Variants in EFCAB8 observed in about 807,000 individuals in gnomAD.
The protein encoded by EFCAB8 is EF-hand calcium-binding domain-containing protein 8.
In EFCAB8, 100 loss-of-function variants were observed where a neutral mutation model predicts 116.3. The ratio of observed to expected loss-of-function variants is 0.86; its 90% CI spans 0.73 to 1.02. The LOEUF (loss-of-function observed/expected upper bound fraction) is 1.02. EFCAB8 is among the 50% of genes least tolerant of loss of function. The pLI, the probability that EFCAB8 is intolerant of heterozygous loss-of-function variation, is 0.00. For missense variants in EFCAB8, 1,320 were observed against 1,416.9 expected (o/e 0.93, Z 1.10); for synonymous variants, 558 against 567.9 (o/e 0.98, Z 0.25).
At chr20:32,930,966 G>A (rs889406776) in intron 21 of EFCAB8, among the ~76,000 whole-genome samples, 1 of 152,124 alleles carries the variant, frequency 6.6e-6, no homozygotes, top group Non-Finnish European at 1.5e-5. Context: ...TCCTTGAGCC[G>A]GTCACACCCT....
At chr20:32,860,437 A>G (rs1984046618) in intron 1 of EFCAB8, among the ~76,000 whole-genome samples, 1 of 146,150 alleles carries the variant, frequency 6.8e-6, no homozygotes, top group Non-Finnish European at 1.5e-5. Flanking sequence ...CCCTGCATGT[A>G]TCGGATCAGG....
intron 23 of EFCAB8, among the ~76,000 whole-genome samples, chr20:32,957,905 A>T (rs1355710705): frequency 1.3e-5 from 2 of 150,004 alleles, no homozygotes; most frequent in Non-Finnish European, 3.0e-5. Flanking sequence ...TTCTTAAATG[A>T]TTTTTTACCT....
In EFCAB8 at chr20:32,890,037, C is replaced by T. The variant is rs116568949; in HGVS notation, c.673+631C>T. ...AAAAAAAAGCCTCTCCTGCATGCCG[C>T]GCTTCCCTGATGCCCCCAAAGGCAG... On this transcript the variant is annotated intron_variant, in intron 7 of 26. Coordinates refer to ENST00000400522, the MANE Select transcript of EFCAB8 (RefSeq NM_001143967.2). Among the ~76,000 whole-genome samples the T allele has an allele frequency of 2.4e-3, 366 of 151,530 alleles. 2 individuals carry two copies. The highest frequency in any genetic ancestry group is 8.4e-3 in the African/African-American group (346 of 41,312).
At chr20:32,860,325 C>A (rs531236278) in intron 1 of EFCAB8, among the ~76,000 whole-genome samples, 11 of 151,888 alleles carry the variant, frequency 7.2e-5, no homozygotes, top group Admixed American at 7.2e-4. Context: ...AAAAAAAACC[C>A]AGTTATTTTG....
chr20:32,912,826 C>A lies in EFCAB8; in HGVS notation c.1818C>A (p.Phe606Leu), dbSNP rs1044414049. 1.4e-6 allele frequency: 1 copy of A among 718,894 alleles called. No individual in the cohort carries two copies. Among genetic ancestry groups the A allele is most frequent in the African/African-American group, 1.7e-5 (1 of 57,240 alleles). 44.5% of individuals were successfully genotyped at this position (718,894 alleles called of 1,614,324 possible). The change falls in exon 17 of 27, where the codon TTC (phenylalanine) becomes TTA (leucine). Residue 606 changes from phenylalanine to leucine, a missense_variant. Transcript: ENST00000400522. ...ISGIIHMNKV[F>L]YVTGWSKRIT... ...GGATTATCCATATGAACAAAGTGTT[C>A]TATGTGACAGGATGGAGTAAGAGAA...
At chr20:32,947,494 A>G (rs1250818410) in intron 23 of EFCAB8, among the ~76,000 whole-genome samples, 1 of 152,218 alleles carries the variant, frequency 6.6e-6, no homozygotes, top group Non-Finnish European at 1.5e-5. Context: ...ATGCCATACA[A>G]AGTATGTTCT....
chr20:32,874,831 C>G (rs1003225673), intron 3 of EFCAB8, among the ~76,000 whole-genome samples: 3 of 152,176 alleles, frequency 2.0e-5, no homozygotes, highest in African/African-American at 7.2e-5. Context: ...ACTGCAACCT[C>G]TGCCTCCTGG....
chr20:32,923,307 G>A (rs1457872927), intron 20 of EFCAB8, among the ~76,000 whole-genome samples: 2 of 152,168 alleles, frequency 1.3e-5, no homozygotes, highest in Non-Finnish European at 2.9e-5. Flanking sequence ...GCAACACGGT[G>A]AAACCCCGTC....
Position 32,906,887 on chromosome 20 carries a change from G to C in EFCAB8, c.1201G>C (p.Val401Leu), listed in dbSNP as rs1183194410. The change falls in exon 13 of 27, where the codon GTC (valine) becomes CTC (leucine). Residue 401 changes from valine to leucine, a missense_variant. Coordinates refer to ENST00000400522, the MANE Select transcript of EFCAB8 (RefSeq NM_001143967.2). ...DAFIRLWNPF[V>L]SKRPVWLMKG... ...CTTCATCCGCCTGTGGAACCCCTTT[G>C]TCTCAAAGAGGCCCGTGTGGCTGAT... The C allele has an allele frequency of 6.4e-7, 1 of 1,550,528 alleles. No homozygotes were observed. The highest frequency in any genetic ancestry group is 1.4e-5 in the African/African-American group (1 of 73,028).
chr20:32,888,011 A>G (rs1333292291), intron 6 of EFCAB8, among the ~76,000 whole-genome samples: 1 of 151,838 alleles, frequency 6.6e-6, no homozygotes, highest in Non-Finnish European at 1.5e-5. Context: ...GGCAAATGCT[A>G]TGACCAGTTT....
chr20:32,870,340 A>C (rs1461295048), intron 3 of EFCAB8, among the ~76,000 whole-genome samples: 1 of 152,152 alleles, frequency 6.6e-6, no homozygotes, highest in African/African-American at 2.4e-5. Flanking sequence ...AATAGGTAAT[A>C]TACCCACACA....
intron 22 of EFCAB8, among the ~76,000 whole-genome samples, chr20:32,939,143 C>CT (rs1354046305): frequency 2.3e-5 from 1 of 44,348 alleles, no homozygotes; most frequent in African/African-American, 1.2e-4. Context: ...TTCTTTCTTT[C>CT]TTTCTTTCTT....
intron 4 of EFCAB8, among the ~76,000 whole-genome samples, chr20:32,876,670 A>G (rs373327126): frequency 6.6e-5 from 10 of 152,250 alleles, no homozygotes; most frequent in African/African-American, 2.2e-4. Context: ...AGGTGCTATT[A>G]CTTACCTCTA....
At chr20:32,897,031 C>A (rs893380169) in intron 10 of EFCAB8, among the ~76,000 whole-genome samples, 1 of 152,186 alleles carries the variant, frequency 6.6e-6, no homozygotes, top group Admixed American at 6.5e-5. Flanking sequence ...GACGCAGGCT[C>A]CTCTGCTGTT....
intron 5 of EFCAB8, among the ~76,000 whole-genome samples, chr20:32,880,272 CTT>C (rs35227113): frequency 1.4e-5 from 2 of 145,690 alleles, no homozygotes; most frequent in Admixed American, 6.9e-5. Context: ...CCAAGGGTAA[CTT>C]TTTTTTTTTT....
intron 7 of EFCAB8, among the ~76,000 whole-genome samples, chr20:32,890,202 TC>T (rs35725555): frequency 6.6e-6 from 1 of 152,068 alleles, no homozygotes; most frequent in Non-Finnish European, 1.5e-5. Flanking sequence ...ACCTGTCCCC[TC>T]CCTGTGGTGC....
chr20:32,906,187 A>G (rs1417252514), intron 11 of EFCAB8, among the ~76,000 whole-genome samples: 3 of 152,154 alleles, frequency 2.0e-5, no homozygotes, highest in Non-Finnish European at 4.4e-5. Context: ...GGATGGGAAG[A>G]TGCCTGTCCC....
chr20:32,920,563 A>G (rs181627285), intron 20 of EFCAB8, among the ~76,000 whole-genome samples: 87 of 152,314 alleles, frequency 5.7e-4, no homozygotes, highest in African/African-American at 2.0e-3. Context: ...GCAAGAGAAA[A>G]TGAGAAGCAG....
At chr20:32,943,502 A>G (rs1362954371) in intron 22 of EFCAB8, 134 bp from the exon 23 acceptor site, 3 of 414,496 alleles carry the variant, frequency 7.2e-6, no homozygotes, top group South Asian at 1.4e-4. Context: ...TGTGGAATGC[A>G]TCTAGAACTA....
Sources: gnomAD v4.1 joint callset for allele counts (sites outside exome capture counted in the v4.1 genomes callset) on GRCh38, gnomAD v4.1.1 for gene constraint, MANE v1.5 for transcripts, NCBI Gene and HGNC (gene_info 2026-07-23, HGNC 2026-07-21) for gene names.